The following FAM3C variants were observed in gnomAD, a reference collection of about 807,000 sequenced individuals.
FAM3C encodes protein FAM3C.
In FAM3C, 15 loss-of-function variants were observed where a neutral mutation model predicts 32.5. The observed-to-expected ratio is 0.46, with a 90% CI of 0.31 to 0.71. The LOEUF is 0.71. Ranked by LOEUF, FAM3C falls within the 30% of genes least tolerant of loss-of-function variation. The probability of loss-of-function intolerance (pLI) is 0.05; values close to 1 mark genes in which losing one functional copy is unlikely to be tolerated. For missense variants in FAM3C, 175 were observed against 274.4 expected, an observed-to-expected ratio of 0.64 and a Z score of 2.56; for synonymous variants, 75 against 86.1, an observed-to-expected ratio of 0.87 and a Z score of 0.72.
In FAM3C at chr7:121,388,623, T is replaced by C. The variant is rs112894130; in HGVS notation, c.-41-5613A>G. ...TTTAAAATAAATGTTTAATGTTCTA[T>C]TGAAAATCTTGGGAAAAGAATACAG... On this transcript the variant is annotated intron_variant, in intron 1 of 9. Transcript: ENST00000359943. Among the ~76,000 whole-genome samples the C allele has an allele frequency of 3.7e-3, 562 of 152,272 alleles. 3 individuals are homozygous for C. The highest frequency in any genetic ancestry group is 0.012 in the African/African-American group (516 of 41,556).
chr7:121,359,944 G>T, intron 8 of FAM3C, 99 bp downstream of exon 8: 1 of 701,724 alleles, frequency 1.4e-6, no homozygotes, highest in South Asian at 1.7e-5. Flanking sequence ...CTGGTAGTTT[G>T]ATTACTTTGC....
intron 1 of FAM3C, among the ~76,000 whole-genome samples, chr7:121,394,691 G>A (rs1239772783): frequency 6.6e-6 from 1 of 152,140 alleles, no homozygotes; most frequent in African/African-American, 2.4e-5. Context: ...TCTAATACCT[G>A]TATAAAACTG....
chr7:121,357,717 GTTTAGA>G (rs1165105716), intron 8 of FAM3C, among the ~76,000 whole-genome samples: 1 of 152,116 alleles, frequency 6.6e-6, no homozygotes. Context: ...AGAAATTAAA[GTTTAGA>G]TTTTTCCTTT....
chr7:121,363,530 G>T (rs1429469992), intron 6 of FAM3C, among the ~76,000 whole-genome samples: 1 of 152,146 alleles, frequency 6.6e-6, no homozygotes, highest in Non-Finnish European at 1.5e-5. Flanking sequence ...TGAAACTACA[G>T]TGGTTTCTAA....
chr7:121,354,698 G>A (rs779483737), intron 8 of FAM3C, among the ~76,000 whole-genome samples: 10 of 152,182 alleles, frequency 6.6e-5, no homozygotes, highest in South Asian at 4.1e-4. Context: ...ACCTCAGGGC[G>A]TTGAAGAGTA....
chr7:121,381,730 G>T (rs1314331457), intron 2 of FAM3C, among the ~76,000 whole-genome samples: 1 of 150,276 alleles, frequency 6.7e-6, no homozygotes, highest in Admixed American at 6.6e-5. Flanking sequence ...CATTTATTTA[G>T]ACCACAAACA....
chr7:121,362,829 GGCTACATTGT>G (rs1450871621), intron 7 of FAM3C, 58 bp downstream of exon 7: 4 of 806,470 alleles, frequency 5.0e-6, no homozygotes, highest in Non-Finnish European at 8.4e-6. Flanking sequence ...CTCATTAATG[GGCTACATTGT>G]ATTGAGGTGA....
intron 8 of FAM3C, among the ~76,000 whole-genome samples, chr7:121,352,189 T>TA: frequency 6.6e-6 from 1 of 152,282 alleles, no homozygotes; most frequent in African/African-American, 2.4e-5. Context: ...GTGAGGAAGG[T>TA]ACTTATTCAT....
At chr7:121,363,731 G>A (rs1056448472) in intron 6 of FAM3C, among the ~76,000 whole-genome samples, 3 of 152,066 alleles carry the variant, frequency 2.0e-5, no homozygotes, top group African/African-American at 7.2e-5. Flanking sequence ...AGAAGAATGT[G>A]GCTGATAATG....
chr7:121,387,578 G>A (rs1276775943), intron 1 of FAM3C, among the ~76,000 whole-genome samples: 1 of 152,064 alleles, frequency 6.6e-6, no homozygotes, highest in Non-Finnish European at 1.5e-5. Context: ...GAAGAAAAAA[G>A]TCCTTCCCAT....
chr7:121,350,659 G>A (rs1234366310), intron 9 of FAM3C, 109 bp from the exon 10 acceptor site: 3 of 1,154,042 alleles, frequency 2.6e-6, no homozygotes, highest in South Asian at 2.8e-5. Context: ...TCAACAATAA[G>A]TTCATTTAAA....
chr7:121,372,404 T>C (rs1794166611), intron 3 of FAM3C, among the ~76,000 whole-genome samples: 1 of 152,208 alleles, frequency 6.6e-6, no homozygotes, highest in Admixed American at 6.5e-5. Flanking sequence ...TTTTAGTTAC[T>C]ATATATTTAA....
intron 1 of FAM3C, among the ~76,000 whole-genome samples, chr7:121,389,289 A>T (rs1794530678): frequency 6.6e-6 from 1 of 151,110 alleles, no homozygotes; most frequent in South Asian, 2.1e-4. Flanking sequence ...ACCTACAGTT[A>T]TTCTTTTCAG....
Position 121,351,126 on chromosome 7 carries a change from G to A in FAM3C, c.594+17C>T. 6.2e-7 allele frequency: 1 copy of A among 1,602,874 alleles called. No individual in the cohort carries two copies. Among genetic ancestry groups the A allele is most frequent in the Non-Finnish European group, 8.5e-7 (1 of 1,174,940 alleles). On this transcript the variant is annotated intron_variant, in intron 9 of 9. Transcript: ENST00000359943. ...CAGAATTTGTTTTTGTTAATTCTGAGAGTCTATGACACTAACCTGTTCAAA... is the reference window on the plus strand; with the variant it reads ...CAGAATTTGTTTTTGTTAATTCTGAAAGTCTATGACACTAACCTGTTCAAA...
intron 1 of FAM3C, among the ~76,000 whole-genome samples, chr7:121,394,387 A>C (rs1233968822): frequency 6.6e-6 from 1 of 152,254 alleles, no homozygotes; most frequent in Non-Finnish European, 1.5e-5. Flanking sequence ...CCACATTAAA[A>C]ATCTGTAATT....
intron 1 of FAM3C, among the ~76,000 whole-genome samples, chr7:121,388,632 T>C (rs935826959): frequency 2.6e-5 from 4 of 152,150 alleles, no homozygotes; most frequent in Non-Finnish European, 5.9e-5. Flanking sequence ...ATTGAAAATC[T>C]TGGGAAAAGA....
chr7:121,385,712 C>T (rs1250767303), intron 1 of FAM3C, among the ~76,000 whole-genome samples: 1 of 152,138 alleles, frequency 6.6e-6, no homozygotes, highest in Non-Finnish European at 1.5e-5. Flanking sequence ...TGGACTAAAT[C>T]ACATAAACCA....
intron 1 of FAM3C, among the ~76,000 whole-genome samples, chr7:121,390,183 T>TA (rs1794547001): frequency 6.6e-6 from 1 of 152,238 alleles, no homozygotes; most frequent in Non-Finnish European, 1.5e-5. Context: ...GCCAGGCACT[T>TA]AATACCCTAT....
chr7:121,378,882 T>C (rs372222980), intron 3 of FAM3C, 28 bp downstream of exon 3: 8 of 1,282,442 alleles, frequency 6.2e-6, no homozygotes, highest in Non-Finnish European at 8.8e-6. Context: ...AAAAATAAGA[T>C]TTAAGAAAGG....
Sources: gnomAD v4.1 joint callset for allele counts (sites outside exome capture counted in the v4.1 genomes callset) on GRCh38, gnomAD v4.1.1 for gene constraint, MANE v1.5 for transcripts, NCBI Gene and HGNC (gene_info 2026-07-23, HGNC 2026-07-21) for gene names.